Variants in CTNNBIP1 observed in about 807,000 individuals in gnomAD.
CTNNBIP1 encodes catenin beta interacting protein 1, also known as beta-catenin-interacting protein 1.
In CTNNBIP1, 7 loss-of-function variants were observed where a neutral mutation model predicts 11.8. The observed-to-expected ratio is 0.60, with a 90% CI of 0.34 to 1.12. CTNNBIP1 has a LOEUF of 1.12. Ranked by LOEUF, CTNNBIP1 falls within the 50% of genes most tolerant of loss-of-function variation. The pLI, the probability that CTNNBIP1 is intolerant of heterozygous loss-of-function variation, is 0.03. For missense variants in CTNNBIP1, 101 were observed against 113.4 expected, an observed-to-expected ratio of 0.89 and a Z score of 0.50; for synonymous variants, 58 against 43.9, an observed-to-expected ratio of 1.32 and a Z score of -1.26.
intron 1 of CTNNBIP1, among the ~76,000 whole-genome samples, chr1:9,884,437 C>A (rs1245234557): frequency 6.6e-6 from 1 of 152,092 alleles, no homozygotes; most frequent in East Asian, 1.9e-4. Flanking sequence ...GGCCTCCCAA[C>A]AGAAATCAGG....
chr1:9,858,229 G>T (rs941912626), intron 5 of CTNNBIP1, among the ~76,000 whole-genome samples: 11 of 152,104 alleles, frequency 7.2e-5, no homozygotes, highest in Admixed American at 5.2e-4. Context: ...GCCCCTGATG[G>T]TCCATTCTCC....
chr1:9,860,149 G>A (rs1164540499), intron 5 of CTNNBIP1, among the ~76,000 whole-genome samples: 1 of 152,152 alleles, frequency 6.6e-6, no homozygotes, highest in African/African-American at 2.4e-5. Context: ...CAAAATTGAT[G>A]AGGGTACAAA....
In CTNNBIP1 at chr1:9,871,873, C is replaced by T. The variant is rs1368010598; in HGVS notation, c.96+96G>A. On this transcript the variant is annotated intron_variant, in intron 4 of 5. Transcript: ENST00000377263. The surrounding 1 kb of genome is among the most constrained non-coding windows in gnomAD (Gnocchi z 5.2). ...CCTCAGCCCGTGGCTCCGCAGGAGG[C>T]AGCCGCAGTGGCTCCACCCTCCAAT... 2 of 1,078,506 alleles carry T rather than the reference C, an allele frequency of 1.9e-6. No individual in the cohort carries two copies. Among genetic ancestry groups the T allele is most frequent in the Non-Finnish European group, 2.8e-6 (2 of 711,506 alleles). The allele number at this position is 1,078,506 out of a possible 1,614,324, so 66.8% of individuals were successfully genotyped here.
chr1:9,863,880 G>A (rs1638685942), intron 5 of CTNNBIP1, among the ~76,000 whole-genome samples: 1 of 152,232 alleles, frequency 6.6e-6, no homozygotes, highest in South Asian at 2.1e-4. Context: ...AGGGGGTCAA[G>A]GGGGTTGGTG....
intron 5 of CTNNBIP1, among the ~76,000 whole-genome samples, chr1:9,870,070 C>G (rs979690534): frequency 6.6e-6 from 1 of 152,226 alleles, no homozygotes; most frequent in South Asian, 2.1e-4. Context: ...CCAGGTCACA[C>G]CCAGCATCGG....
At chr1:9,862,152 C>T (rs1482113757) in intron 5 of CTNNBIP1, among the ~76,000 whole-genome samples, 1 of 152,168 alleles carries the variant, frequency 6.6e-6, no homozygotes, top group Non-Finnish European at 1.5e-5. Flanking sequence ...TATAAGCTCT[C>T]ATAGACCAGG....
intron 5 of CTNNBIP1, among the ~76,000 whole-genome samples, chr1:9,861,708 C>T (rs58281392): frequency 0.12 from 17,882 of 152,102 alleles, 2,881 homozygotes; most frequent in African/African-American, 0.35. Flanking sequence ...CCTCCTGGAA[C>T]AGCCAAAAAG....
intron 1 of CTNNBIP1, among the ~76,000 whole-genome samples, chr1:9,900,174 C>T (rs1305650798): frequency 2.0e-5 from 3 of 151,824 alleles, no homozygotes; most frequent in Admixed American, 2.0e-4. Context: ...AAGGCCGAGG[C>T]GAGCAGATCA....
chr1:9,880,838 G>A (rs1557757358), intron 2 of CTNNBIP1, among the ~76,000 whole-genome samples: 3 of 152,144 alleles, frequency 2.0e-5, no homozygotes, highest in Admixed American at 6.5e-5. Context: ...TGCACCGTGA[G>A]GCCAGTGATT....
intron 5 of CTNNBIP1, among the ~76,000 whole-genome samples, chr1:9,863,373 T>C (rs1285713929): frequency 6.6e-6 from 1 of 152,232 alleles, no homozygotes; most frequent in African/African-American, 2.4e-5. Flanking sequence ...ACTAGAATTC[T>C]CCCTGGGCCT....
intron 1 of CTNNBIP1, among the ~76,000 whole-genome samples, chr1:9,885,183 C>T (rs1639159233): frequency 6.6e-6 from 1 of 152,112 alleles, no homozygotes; most frequent in Non-Finnish European, 1.5e-5. Context: ...AGGCAGACAA[C>T]AGGGAGCGCA....
chr1:9,858,276 T>G (rs1337320912), intron 5 of CTNNBIP1, among the ~76,000 whole-genome samples: 1 of 152,076 alleles, frequency 6.6e-6, no homozygotes, highest in Non-Finnish European at 1.5e-5. Context: ...GAAACCTAAG[T>G]CAGCTCCTAC....
intron 5 of CTNNBIP1, among the ~76,000 whole-genome samples, chr1:9,863,223 T>G (rs2101458340): frequency 6.6e-6 from 1 of 152,320 alleles, no homozygotes; most frequent in South Asian, 2.1e-4. Context: ...GTGACACAAC[T>G]TATACACCAA....
intron 1 of CTNNBIP1, among the ~76,000 whole-genome samples, chr1:9,893,753 T>A (rs58346857): frequency 0.022 from 3,358 of 152,280 alleles, 44 homozygotes; most frequent in Non-Finnish European, 0.031. Context: ...CATAATGCAA[T>A]GTTAAAAAAC....
At chr1:9,894,436 GC>G (rs1453166618) in intron 1 of CTNNBIP1, among the ~76,000 whole-genome samples, 6 of 151,122 alleles carry the variant, frequency 4.0e-5, no homozygotes, top group Non-Finnish European at 8.9e-5. Flanking sequence ...GCTCACTGCA[GC>G]CTCAACATCC....
chr1:9,870,690 C>A (rs900232562), intron 5 of CTNNBIP1, among the ~76,000 whole-genome samples: 1 of 152,194 alleles, frequency 6.6e-6, no homozygotes, highest in Non-Finnish European at 1.5e-5. Context: ...CTCCCTCAGG[C>A]GCACGGAGAC....
rs1638326589 is a variant in CTNNBIP1, at chr1:9,849,345, A to G, written c.*1373T>C. 1 of 152,322 alleles carries G rather than the reference A, an allele frequency of 6.6e-6. No homozygotes were observed. The highest frequency in any genetic ancestry group is 6.5e-5 in the Admixed American group (1 of 15,294). The allele number at this position is 152,322 out of a possible 1,614,324, so 9.4% of individuals were successfully genotyped here. On this transcript the variant is annotated 3_prime_UTR_variant, in exon 6 of 6. Transcript: ENST00000377263. ...CCAGCTGTCCCAGTGGCATTTCATA[A>G]ACAAACGATACTGTCCCTTCCAGGC...
At chr1:9,858,516 C>T (rs1256341774) in intron 5 of CTNNBIP1, among the ~76,000 whole-genome samples, 1 of 152,158 alleles carries the variant, frequency 6.6e-6, no homozygotes, top group African/African-American at 2.4e-5. Context: ...TTGCACCTGC[C>T]GCTTCTGTTG....
chr1:9,897,015 G>A (rs910480439), intron 1 of CTNNBIP1, among the ~76,000 whole-genome samples: 6 of 151,926 alleles, frequency 3.9e-5, no homozygotes, highest in South Asian at 2.1e-4. Context: ...GGTGGCGCGC[G>A]CCTGTAATCC....
Sources: gnomAD v4.1 joint callset for allele counts (sites outside exome capture counted in the v4.1 genomes callset) on GRCh38, gnomAD v4.1.1 for gene constraint, Gnocchi (gnomAD v3.1) non-coding constraint, MANE v1.5 for transcripts, NCBI Gene and HGNC (gene_info 2026-07-23, HGNC 2026-07-21) for gene names.